Variants in RNF6 observed in about 807,000 individuals in gnomAD.
RNF6 encodes the protein E3 ubiquitin-protein ligase RNF6.
In RNF6, 21 loss-of-function variants were observed where a neutral mutation model predicts 50.1. The observed-to-expected ratio is 0.42, with a 90% CI of 0.30 to 0.60. The LOEUF is 0.60. Among genes scored for constraint, RNF6 ranks in the 20% least tolerant of loss-of-function variants. The pLI, the probability that RNF6 is intolerant of heterozygous loss-of-function variation, is 0.20. For synonymous variants in RNF6, 255 were observed against 291.8 expected (o/e 0.87, Z 1.29); for missense variants, 698 against 838.2 (o/e 0.83, Z 2.07).
intron 5 of RNF6, among the ~76,000 whole-genome samples, chr13:26,151,901 G>T (rs921348808): frequency 2.0e-5 from 3 of 152,104 alleles, no homozygotes; most frequent in Non-Finnish European, 4.4e-5. Context: ...GCTCCAAGCT[G>T]GTCCCTCTAC....
chr13:26,132,389 A>T (rs1566400156), exon 6 of RNF6: 1 of 456,236 alleles, frequency 2.2e-6, no homozygotes, highest in Non-Finnish European at 4.4e-6. Context: ...TTCACAGTCT[A>T]TTTTTCCAGA....
downstream of RNF6, among the ~76,000 whole-genome samples, chr13:26,209,113 A>G (rs1250964686): frequency 6.6e-6 from 1 of 152,210 alleles, no homozygotes; most frequent in Non-Finnish European, 1.5e-5. Context: ...GTATTGTCAA[A>G]AAGTCCCTAG....
intron 4 of RNF6, among the ~76,000 whole-genome samples, chr13:26,216,794 A>T (rs893886133): frequency 2.6e-5 from 4 of 152,238 alleles, no homozygotes; most frequent in Admixed American, 6.5e-5. Context: ...CTCTCCTAAA[A>T]ATACAAAGAA....
intron 5 of RNF6, among the ~76,000 whole-genome samples, chr13:26,194,686 A>G (rs911621316): frequency 2.1e-4 from 32 of 152,190 alleles, no homozygotes; most frequent in Non-Finnish European, 4.3e-4. Flanking sequence ...CATGATCACA[A>G]GGTCCCACAA....
At chr13:26,135,806 T>C (rs1870618655) in intron 5 of RNF6, among the ~76,000 whole-genome samples, 2 of 151,908 alleles carry the variant, frequency 1.3e-5, no homozygotes, top group African/African-American at 4.9e-5. Flanking sequence ...GGTGCTGTCC[T>C]TATAGTGATG....
At chr13:26,184,012 ATATATATTTTTTTTTTT>A (rs1268899506) in intron 5 of RNF6, among the ~76,000 whole-genome samples, 6 of 30,608 alleles carry the variant, frequency 2.0e-4, no homozygotes, top group Non-Finnish European at 3.2e-4. Flanking sequence ...ATATATATAT[ATATATATTTTTTTTTTT>A]TTTTTTTTTT....
intron 5 of RNF6, among the ~76,000 whole-genome samples, chr13:26,204,885 A>C (rs1869047627): frequency 2.0e-5 from 3 of 152,192 alleles, no homozygotes; most frequent in African/African-American, 4.8e-5. Context: ...TCTTCACTGA[A>C]TCTGCCGCTC....
chr13:26,192,258 T>C (rs971257918), intron 5 of RNF6, among the ~76,000 whole-genome samples: 10 of 152,220 alleles, frequency 6.6e-5, no homozygotes, highest in Admixed American at 2.6e-4. Context: ...GCCACCACAA[T>C]AATCCAGTGG....
chr13:26,199,101 T>G (rs1868793910), intron 5 of RNF6, among the ~76,000 whole-genome samples: 1 of 151,778 alleles, frequency 6.6e-6, no homozygotes, highest in Non-Finnish European at 1.5e-5. Context: ...CCAATGTTCT[T>G]TTACATAGAC....
At chr13:26,160,234 T>C (rs905687106) in intron 5 of RNF6, among the ~76,000 whole-genome samples, 3 of 152,240 alleles carry the variant, frequency 2.0e-5, no homozygotes, top group African/African-American at 4.8e-5. Flanking sequence ...AGACCCAATC[T>C]AGAAGCTGTT....
chr13:26,208,338 C>G (rs1474155255), downstream of RNF6, among the ~76,000 whole-genome samples: 1 of 152,158 alleles, frequency 6.6e-6, no homozygotes, highest in African/African-American at 2.4e-5. Context: ...GTATGACCAG[C>G]CCCCAGTAAA....
At chr13:26,146,366 C>T (rs1871244439) in intron 5 of RNF6, among the ~76,000 whole-genome samples, 2 of 152,226 alleles carry the variant, frequency 1.3e-5, no homozygotes. Context: ...GGTGCTGCCA[C>T]TTGGCCCTGG....
At chr13:26,181,501 T>A (rs938661920) in intron 5 of RNF6, among the ~76,000 whole-genome samples, 2 of 152,294 alleles carry the variant, frequency 1.3e-5, no homozygotes, top group South Asian at 2.1e-4. Context: ...CCATAACCAC[T>A]GCAGGTAGTG....
In RNF6 at chr13:26,132,475, A is replaced by G. The variant is rs1445761126; in HGVS notation, n.769-24T>C. On this transcript the variant is annotated intron_variant and non_coding_transcript_variant, in intron 5 of 5. Coordinates refer to the RNF6 transcript ENST00000468480. ...GCCTACAAAATAAAACCAAAGAGAG[A>G]AAAATAAAAGTAGAAGTTTAATGTA... is the stretch of plus-strand genomic sequence containing the variant. The G allele has an allele frequency of 8.7e-6, 4 of 457,322 alleles. No homozygotes were observed. The East Asian group carries it at 2.1e-4, about 24-fold the overall frequency. The allele number at this position is 457,322 out of a possible 1,614,324, so 28.3% of individuals were successfully genotyped here. A position where few individuals can be genotyped will look rare whatever the true frequency, so the allele number is the denominator to read the frequency against.
intron 5 of RNF6, among the ~76,000 whole-genome samples, chr13:26,178,516 GT>G: frequency 6.6e-6 from 1 of 150,810 alleles, no homozygotes; most frequent in Non-Finnish European, 1.5e-5. Flanking sequence ...GTGGGCGGGG[GT>G]GGGGGAGGGC....
At chr13:26,184,385 C>T (rs1873417251) in intron 5 of RNF6, among the ~76,000 whole-genome samples, 1 of 152,092 alleles carries the variant, frequency 6.6e-6, no homozygotes, top group African/African-American at 2.4e-5. Context: ...CATAAAGGCA[C>T]TTTAAAAGTC....
intron 5 of RNF6, among the ~76,000 whole-genome samples, chr13:26,153,177 A>T (rs902758639): frequency 6.7e-6 from 1 of 150,336 alleles, no homozygotes; most frequent in Non-Finnish European, 1.5e-5. Flanking sequence ...AAAAGAAAAG[A>T]CTAAAGATGT....
Position 26,184,007 on chromosome 13 carries a change from TA to T in RNF6, n.768+31466del. 4.5e-4 allele frequency among the ~76,000 whole-genome samples: 5 copies of T among 11,160 alleles called. No individual in the cohort carries two copies. In the East Asian group the frequency reaches 0.02, roughly 45 times the overall value. 7.3% of individuals were successfully genotyped at this position (11,160 alleles called of 152,430 possible). The stretch of plus-strand genomic sequence containing the variant: ...GATAAATAAAATATATATATATATA[TA>T]TATATATATATTTTTTTTTTTTTTT... On this transcript the variant is annotated intron_variant and non_coding_transcript_variant, in intron 5 of 5. Coordinates refer to the RNF6 transcript ENST00000468480.
chr13:26,186,685 C>A (rs1469540664), intron 5 of RNF6, among the ~76,000 whole-genome samples: 1 of 152,210 alleles, frequency 6.6e-6, no homozygotes, highest in Non-Finnish European at 1.5e-5. Context: ...ACAGGTAGCG[C>A]GTTCCTTCGC....
Sources: gnomAD v4.1 joint callset for allele counts (sites outside exome capture counted in the v4.1 genomes callset) on GRCh38, gnomAD v4.1.1 for gene constraint, MANE v1.5 for transcripts, NCBI Gene and HGNC (gene_info 2026-07-23, HGNC 2026-07-21) for gene names.